The following RIMS2 variants were observed in gnomAD, a reference collection of about 807,000 sequenced individuals.
The protein encoded by RIMS2 is regulating synaptic membrane exocytosis 2, also known as regulating synaptic membrane exocytosis protein 2.
Under a neutral mutation model 174.4 loss-of-function variants are expected in RIMS2, and 59 were observed. The observed-to-expected ratio is 0.34, with a 90% CI of 0.27 to 0.42. The LOEUF (loss-of-function observed/expected upper bound fraction) is 0.42, where lower values mean the gene tolerates loss of function less well. Among genes scored for constraint, RIMS2 ranks in the 10% least tolerant of loss-of-function variants. RIMS2 has a pLI of 1.00. For synonymous variants in RIMS2, 606 were observed against 572.5 expected (o/e 1.06, Z -0.84); for missense variants, 1,620 against 1,666.3 (o/e 0.97, Z 0.48).
chr8:103,584,515 A>G (rs961255920), intron 1 of RIMS2, among the ~76,000 whole-genome samples: 1 of 152,198 alleles, frequency 6.6e-6, no homozygotes, highest in African/African-American at 2.4e-5. Flanking sequence ...TGACACAATC[A>G]AAATAACTAC....
intron 14 of RIMS2, among the ~76,000 whole-genome samples, chr8:103,956,834 A>C (rs2087437362): frequency 6.6e-6 from 1 of 152,220 alleles, no homozygotes; most frequent in South Asian, 2.1e-4. Flanking sequence ...ATGGGAGAAA[A>C]CTTTTGCAAT....
At chr8:103,965,909 A>AT (rs113962824) in intron 15 of RIMS2, among the ~76,000 whole-genome samples, 623 of 151,256 alleles carry the variant, frequency 4.1e-3, no homozygotes, top group Middle Eastern at 0.017. Flanking sequence ...TAGTCATGTG[A>AT]TTTTTTTTTA....
chr8:103,783,764 G>A (rs71520853), intron 3 of RIMS2, among the ~76,000 whole-genome samples: 57,058 of 148,804 alleles, frequency 0.38, 11,338 homozygotes, highest in African/African-American at 0.44. Context: ...ATGATTTATA[G>A]TCCTTTGGGT....
chr8:103,608,007 AG>A (rs1190357004), intron 1 of RIMS2, among the ~76,000 whole-genome samples: 4 of 147,942 alleles, frequency 2.7e-5, no homozygotes, highest in Non-Finnish European at 6.0e-5. Flanking sequence ...AGCTCGTCAA[AG>A]TCATTCTCCA....
At chr8:103,860,572 A>G (rs933278509) in intron 3 of RIMS2, among the ~76,000 whole-genome samples, 2 of 152,158 alleles carry the variant, frequency 1.3e-5, no homozygotes, top group African/African-American at 4.8e-5. Flanking sequence ...TATAGTATTT[A>G]GCAAATAGTA....
chr8:104,135,535 G>A (rs540170066), intron 19 of RIMS2, among the ~76,000 whole-genome samples: 3 of 149,776 alleles, frequency 2.0e-5, no homozygotes, highest in African/African-American at 7.4e-5. Flanking sequence ...GAGCCCAAGA[G>A]GTCAAGGTTA....
chr8:104,013,709 C>A, intron 18 of RIMS2, 88 bp downstream of exon 20: 5 of 1,027,888 alleles, frequency 4.9e-6, no homozygotes, highest in Non-Finnish European at 7.4e-6. Context: ...TCTCTTCTAT[C>A]ATCTTTGGCT....
intron 19 of RIMS2, among the ~76,000 whole-genome samples, chr8:104,062,735 C>A (rs2097025017): frequency 6.6e-6 from 1 of 152,036 alleles, no homozygotes; most frequent in Non-Finnish European, 1.5e-5. Context: ...CATTGAGAGT[C>A]CACAATTTGG....
intron 1 of RIMS2, among the ~76,000 whole-genome samples, chr8:103,570,024 G>A (rs139344352): frequency 6.6e-6 from 1 of 152,060 alleles, no homozygotes; most frequent in African/African-American, 2.4e-5. Flanking sequence ...TTTGAATATT[G>A]GTCTTGTATC....
chr8:104,118,405 C>T (rs1417809269), intron 19 of RIMS2, among the ~76,000 whole-genome samples: 6 of 135,330 alleles, frequency 4.4e-5, no homozygotes, highest in African/African-American at 1.7e-4. Context: ...CTTGTTCTGT[C>T]GCCCAGGCTG....
intron 1 of RIMS2, among the ~76,000 whole-genome samples, chr8:103,687,994 C>T (rs890253967): frequency 5.9e-5 from 9 of 152,064 alleles, no homozygotes; most frequent in Admixed American, 6.6e-5. Flanking sequence ...ATCTCTTCAA[C>T]ATACTGGAGT....
intron 1 of RIMS2, among the ~76,000 whole-genome samples, chr8:103,664,243 C>G (rs1043274618): frequency 6.6e-6 from 1 of 152,052 alleles, no homozygotes; most frequent in Non-Finnish European, 1.5e-5. Flanking sequence ...ACTAAAACAC[C>G]GAAAGCAATG....
At chr8:103,988,639 T>C (rs1418576701) in intron 16 of RIMS2, among the ~76,000 whole-genome samples, 2 of 152,146 alleles carry the variant, frequency 1.3e-5, no homozygotes, top group Non-Finnish European at 1.5e-5. Flanking sequence ...TTTTATTTTT[T>C]AGTAGAGACA....
chr8:103,558,223 A>G (rs866142472), intron 1 of RIMS2, among the ~76,000 whole-genome samples: 1 of 152,004 alleles, frequency 6.6e-6, no homozygotes, highest in Non-Finnish European at 1.5e-5. Context: ...ATTTATTTTT[A>G]TTTTATTTTA....
chr8:103,974,670 C>G (rs2093255596), intron 15 of RIMS2, among the ~76,000 whole-genome samples: 1 of 152,106 alleles, frequency 6.6e-6, no homozygotes, highest in Non-Finnish European at 1.5e-5. Flanking sequence ...GGTTGTTACT[C>G]TCTTCTGATT....
intron 1 of RIMS2, among the ~76,000 whole-genome samples, chr8:103,580,825 CTTT>C (rs61559970): frequency 1.4e-4 from 16 of 113,458 alleles, no homozygotes; most frequent in Middle Eastern, 5.4e-3. Flanking sequence ...AAAGGGAATA[CTTT>C]TTTTTTTTTT....
At chr8:103,521,525 A>G (rs1831684191) in intron 1 of RIMS2, among the ~76,000 whole-genome samples, 1 of 152,080 alleles carries the variant, frequency 6.6e-6, no homozygotes. Context: ...TCAGCCATCT[A>G]CCTCAGCATC....
At chr8:103,967,799 C>CT (rs1056353311) in intron 15 of RIMS2, among the ~76,000 whole-genome samples, 8 of 147,128 alleles carry the variant, frequency 5.4e-5, no homozygotes, top group African/African-American at 1.2e-4. Flanking sequence ...TCCCTGATAA[C>CT]TTTTTTTTGC....
chr8:103,821,450 A>G (rs1301480727), intron 3 of RIMS2, among the ~76,000 whole-genome samples: 1 of 151,706 alleles, frequency 6.6e-6, no homozygotes, highest in African/African-American at 2.4e-5. Context: ...CGGCCTTTAT[A>G]TGTTCTTATT....
Sources: allele counts gnomAD v4.1 joint callset (sites outside exome capture counted in the v4.1 genomes callset), GRCh38; gene constraint gnomAD v4.1.1; transcripts MANE v1.5; gene names NCBI Gene and HGNC (gene_info 2026-07-23, HGNC 2026-07-21).